Variants in AGAP1 observed in about 807,000 individuals in gnomAD.
The protein encoded by AGAP1 is arf-GAP with GTPase, ANK repeat and PH domain-containing protein 1.
Under a neutral mutation model 105.3 loss-of-function variants are expected in AGAP1, and 29 were observed. The observed-to-expected ratio is 0.28, with a 90% CI of 0.21 to 0.38. The LOEUF is 0.38. Ranked by LOEUF, AGAP1 falls within the 10% of genes least tolerant of loss-of-function variation. AGAP1 has a pLI of 1.00. For synonymous variants in AGAP1, 509 were observed against 485.9 expected, an observed-to-expected ratio of 1.05 and a Z score of -0.63; for missense variants, 998 against 1,165.1, an observed-to-expected ratio of 0.86 and a Z score of 2.09.
intron 11 of AGAP1, among the ~76,000 whole-genome samples, chr2:235,925,623 A>G (rs1446191850): frequency 6.6e-6 from 1 of 152,176 alleles, no homozygotes; most frequent in African/African-American, 2.4e-5. Context: ...CGTCTTAGCT[A>G]TCAGGTCTAG....
At chr2:235,835,740 C>T (rs946055831) in intron 9 of AGAP1, among the ~76,000 whole-genome samples, 2 of 152,176 alleles carry the variant, frequency 1.3e-5, no homozygotes, top group African/African-American at 4.8e-5. Context: ...AAGTTTGTAT[C>T]ATGTTAAGCT....
At chr2:236,030,012 G>T (rs572580147) in intron 13 of AGAP1, among the ~76,000 whole-genome samples, 1 of 152,306 alleles carries the variant, frequency 6.6e-6, no homozygotes, top group East Asian at 1.9e-4. Flanking sequence ...TGCTGAGTTG[G>T]CAGACATGAT....
chr2:235,997,445 C>T (rs2055867375), intron 13 of AGAP1, among the ~76,000 whole-genome samples: 1 of 152,218 alleles, frequency 6.6e-6, no homozygotes, highest in Non-Finnish European at 1.5e-5. Flanking sequence ...AATTGCATTT[C>T]TAATGCTTTC....
chr2:235,917,512 G>A (rs779177426), intron 11 of AGAP1, among the ~76,000 whole-genome samples: 3 of 151,510 alleles, frequency 2.0e-5, no homozygotes, highest in Admixed American at 6.6e-5. Context: ...CCACTTAGCC[G>A]GCTCTAAAGA....
Position 235,908,133 on chromosome 2 carries a change from A to G in AGAP1, c.1156-605A>G, listed in dbSNP as rs1382913428. Among the ~76,000 whole-genome samples the G allele has an allele frequency of 6.6e-6, 1 of 152,166 alleles. No homozygotes were observed. Among genetic ancestry groups the G allele is most frequent in the Non-Finnish European group, 1.5e-5 (1 of 68,034 alleles). ...TCCACAGTGAGTTAAGTGAGCTGCCAGAGAGCAGTCACTGTCCACCGAGGC... is the reference window on the plus strand; with the variant it reads ...TCCACAGTGAGTTAAGTGAGCTGCCGGAGAGCAGTCACTGTCCACCGAGGC... On this transcript the variant is annotated intron_variant, in intron 10 of 17. Coordinates refer to ENST00000304032, the MANE Select transcript of AGAP1 (RefSeq NM_001037131.3). The surrounding 1 kb of genome is among the most constrained non-coding windows in gnomAD (Gnocchi z 4.4).
rs2055632373 is a variant in AGAP1 at position 235,992,894 on chromosome 2, TGGA to T, written c.1645+24272_1645+24274del. 6.6e-6 allele frequency among the ~76,000 whole-genome samples: 1 copy of T among 152,188 alleles called. No homozygotes were observed. The highest frequency in any genetic ancestry group is 2.4e-5 in the African/African-American group (1 of 41,460). On this transcript the variant is annotated intron_variant, in intron 13 of 17. Transcript: ENST00000304032. The surrounding 1 kb of genome is among the most constrained non-coding windows in gnomAD (Gnocchi z 4.8). The stretch of plus-strand genomic sequence containing the variant: ...GTTGGCCTCTTTCCGTCGTGAACCA[TGGA>T]CGTCTCTCCTTGACCTCCTCCCTAC...
Position 235,771,358 on chromosome 2 carries a change from C to G in AGAP1, c.673+20870C>G, listed in dbSNP as rs149569103. On this transcript the variant is annotated intron_variant, in intron 6 of 17. Transcript: ENST00000304032. ...AGAAGGTTCAGGTGCACCTGAGGAG[C>G]CTTGGGGCCACTCTGGGGCTCCCAC... Among the ~76,000 whole-genome samples the G allele has an allele frequency of 6.7e-3, 1,013 of 152,282 alleles. 7 individuals are homozygous for G. Among genetic ancestry groups the G allele is most frequent in the Non-Finnish European group, 9.0e-3 (613 of 68,012 alleles).
chr2:235,600,107 C>G lies in AGAP1; in HGVS notation c.163+105258C>G, dbSNP rs948390911. Among the ~76,000 whole-genome samples the G allele has an allele frequency of 6.6e-6, 1 of 152,152 alleles. No individual in the cohort carries two copies. Among genetic ancestry groups the G allele is most frequent in the African/African-American group, 2.4e-5 (1 of 41,432 alleles). On this transcript the variant is annotated intron_variant, in intron 1 of 17. Coordinates refer to ENST00000304032, the MANE Select transcript of AGAP1 (RefSeq NM_001037131.3). The surrounding 1 kb of genome is among the most constrained non-coding windows in gnomAD (Gnocchi z 4.8). ...TCCATCCCAGCCTTTCTTCCTCTCT[C>G]GTAACTGTTATTTACTCAGTAATTA...
At chr2:235,776,861 C>T (rs1447834665) in intron 6 of AGAP1, 5 of 468,288 alleles carry the variant, frequency 1.1e-5, no homozygotes, top group Admixed American at 2.4e-5. Flanking sequence ...TCCAAAATCT[C>T]GAGGCTCTCC....
chr2:235,977,265 G>C lies in AGAP1; in HGVS notation c.1645+8642G>C, dbSNP rs1439050835. Among the ~76,000 whole-genome samples, 1 of 151,860 alleles carries C rather than the reference G, an allele frequency of 6.6e-6. No individual in the cohort carries two copies. The highest frequency in any genetic ancestry group is 2.4e-5 in the African/African-American group (1 of 41,324). On this transcript the variant is annotated intron_variant, in intron 13 of 17. Coordinates refer to ENST00000304032, the MANE Select transcript of AGAP1 (RefSeq NM_001037131.3). This position sits in a 1 kb window ranked among gnomAD's most constrained non-coding sequence, Gnocchi z 5.2. ...GGATCTGTCTTGAAGTCATTTTCTT[G>C]ATGGTCTCAAAATGTTTGAGCTCTG...
At chr2:235,778,304 G>T (rs1956034685) in intron 6 of AGAP1, among the ~76,000 whole-genome samples, 1 of 152,208 alleles carries the variant, frequency 6.6e-6, no homozygotes, top group South Asian at 2.1e-4. Context: ...TTTCCACTTT[G>T]GGTATCCACC....
rs1483054824 is a variant in AGAP1, at chr2:236,120,556, A to C, written c.2370+109A>C. 6.5e-7 allele frequency: 1 copy of C among 1,527,520 alleles called. No homozygotes were observed. The highest frequency in any genetic ancestry group is 1.4e-5 in the African/African-American group (1 of 72,940). The allele number at this position is 1,527,520 out of a possible 1,614,324, so 94.6% of individuals were successfully genotyped here. A position where few individuals can be genotyped will look rare whatever the true frequency, so the allele number is the denominator to read the frequency against. Reference sequence around the variant, plus strand: ...CAGAAGGCTGTTGTTCTCGATCTGCAAGTGGAAACAGTTCCTAATGGGAAA... The same window carrying C: ...CAGAAGGCTGTTGTTCTCGATCTGCCAGTGGAAACAGTTCCTAATGGGAAA... On this transcript the variant is annotated intron_variant, in intron 17 of 17. Transcript: ENST00000304032. This position sits in a 1 kb window ranked among gnomAD's most constrained non-coding sequence, Gnocchi z 6.0.
intron 12 of AGAP1, among the ~76,000 whole-genome samples, chr2:235,945,873 G>A (rs1349147016): frequency 1.3e-5 from 2 of 148,472 alleles, no homozygotes; most frequent in Non-Finnish European, 3.0e-5. Context: ...AGGGGGAGCC[G>A]GCACTTCACA....
At chr2:235,607,291 C>T (rs1039280646) in intron 1 of AGAP1, among the ~76,000 whole-genome samples, 3 of 152,196 alleles carry the variant, frequency 2.0e-5, no homozygotes, top group Non-Finnish European at 4.4e-5. Flanking sequence ...ATTTAGCCCA[C>T]CAGTACTTGG....
intron 9 of AGAP1, among the ~76,000 whole-genome samples, chr2:235,847,093 A>G (rs1961586783): frequency 6.6e-6 from 1 of 152,282 alleles, no homozygotes; most frequent in South Asian, 2.1e-4. Flanking sequence ...ACCAGCAAGC[A>G]CTCCAAGACT....
At chr2:235,538,505 A>T (rs1943322505) in intron 1 of AGAP1, among the ~76,000 whole-genome samples, 1 of 147,432 alleles carries the variant, frequency 6.8e-6, no homozygotes, top group South Asian at 2.2e-4. Flanking sequence ...GAGGGCTTGC[A>T]CCTAAGTCCT....
intron 11 of AGAP1, among the ~76,000 whole-genome samples, chr2:235,925,628 G>A (rs2052409187): frequency 6.6e-6 from 1 of 152,196 alleles, no homozygotes; most frequent in South Asian, 2.1e-4. Flanking sequence ...TAGCTATCAG[G>A]TCTAGGTGTG....
chr2:235,821,679 A>C (rs1463415509), intron 9 of AGAP1, among the ~76,000 whole-genome samples: 1 of 152,184 alleles, frequency 6.6e-6, no homozygotes, highest in African/African-American at 2.4e-5. Flanking sequence ...AAACCAGGAA[A>C]TTAGTATTGG....
intron 3 of AGAP1, among the ~76,000 whole-genome samples, chr2:235,718,002 T>C (rs1282330218): frequency 6.6e-6 from 1 of 152,346 alleles, no homozygotes; most frequent in Non-Finnish European, 1.5e-5. Flanking sequence ...TTATACATAA[T>C]TTGTATGTAA....
Sources: allele counts gnomAD v4.1 joint callset (sites outside exome capture counted in the v4.1 genomes callset), GRCh38; gene constraint gnomAD v4.1.1; non-coding constraint Gnocchi (gnomAD v3.1); transcripts MANE v1.5; gene names NCBI Gene and HGNC (gene_info 2026-07-23, HGNC 2026-07-21).